Variants in KMT2E observed in about 807,000 individuals in gnomAD.
KMT2E encodes the protein lysine methyltransferase 2E (inactive).
Under a neutral mutation model 184.6 loss-of-function variants are expected in KMT2E, and 30 were observed. The ratio of observed to expected loss-of-function variants is 0.16; its 90% CI spans 0.12 to 0.22. KMT2E has a LOEUF of 0.22. Ranked by LOEUF, KMT2E falls within the 10% of genes least tolerant of loss-of-function variation. The pLI, the probability that KMT2E is intolerant of heterozygous loss-of-function variation, is 1.00. For synonymous variants in KMT2E, 815 were observed against 776.5 expected, an observed-to-expected ratio of 1.05 and a Z score of -0.82; for missense variants, 2,023 against 2,237.4, an observed-to-expected ratio of 0.90 and a Z score of 1.93.
At chr7:105,084,459 C>G (rs1465543770) in intron 13 of KMT2E, among the ~76,000 whole-genome samples, 1 of 152,038 alleles carries the variant, frequency 6.6e-6, no homozygotes, top group African/African-American at 2.4e-5. Flanking sequence ...AACCCCATCT[C>G]TACTAAAAAT....
chr7:105,076,874 G>T (rs1267067725), intron 9 of KMT2E, 89 bp from the exon 10 acceptor site: 4 of 2,810 alleles, frequency 1.4e-3, no homozygotes, highest in Admixed American at 4.5e-3. Context: ...CGTTAATTTT[G>T]TGTGTGTGTG....
rs66946883 is a variant in KMT2E, at chr7:105,064,164, G to GTTT, written c.416+610_416+612dup. 413 of 76,064 alleles carry GTTT rather than the reference G, an allele frequency of 5.4e-3. 10 individuals are homozygous for GTTT. The highest frequency in any genetic ancestry group is 8.1e-3 in the South Asian group (68 of 8,388). 4.7% of individuals were successfully genotyped at this position (76,064 alleles called of 1,614,324 possible). On this transcript the variant is annotated intron_variant, in intron 5 of 26. Coordinates refer to ENST00000311117, the MANE Select transcript of KMT2E (RefSeq NM_182931.3). ...GGTTTTGTATCATTTTTTTTTCTTG[G>GTTT]TTTTTTTTTTTTTTTTTTTTTTTTT...
intron 15 of KMT2E, among the ~76,000 whole-genome samples, chr7:105,096,247 C>CAAAAAAAAAAA (rs11330758): frequency 2.9e-5 from 2 of 69,268 alleles, no homozygotes; most frequent in African/African-American, 5.6e-5. Flanking sequence ...GTGAAAGGCT[C>CAAAAAAAAAAA]AAAAAAAAAA....
chr7:105,042,842 G>T (rs946644663), intron 3 of KMT2E, among the ~76,000 whole-genome samples: 13 of 152,322 alleles, frequency 8.5e-5, no homozygotes, highest in African/African-American at 2.9e-4. Flanking sequence ...ATATTGAGAA[G>T]TCATGGAGAT....
intron 3 of KMT2E, among the ~76,000 whole-genome samples, chr7:105,047,733 A>G (rs1165989167): frequency 6.6e-6 from 1 of 152,180 alleles, no homozygotes; most frequent in Non-Finnish European, 1.5e-5. Flanking sequence ...TTCCTGGTCT[A>G]TTTTAGATCC....
chr7:105,071,616 T>A (rs1267522290), intron 6 of KMT2E, among the ~76,000 whole-genome samples: 141 of 104,058 alleles, frequency 1.4e-3, no homozygotes, highest in African/African-American at 4.0e-3. Flanking sequence ...ATATTTTTTT[T>A]TTTTTTTTTT....
chr7:105,077,569 G>A, intron 11 of KMT2E, 136 bp downstream of exon 11: 1 of 641,644 alleles, frequency 1.6e-6, no homozygotes, highest in South Asian at 2.1e-5. Flanking sequence ...TAGTGTGGTT[G>A]AACAGTGACT....
chr7:105,062,553 CCTA>C (rs1408673151), intron 4 of KMT2E, among the ~76,000 whole-genome samples: 2 of 151,880 alleles, frequency 1.3e-5, no homozygotes, highest in African/African-American at 2.4e-5. Flanking sequence ...TATTGTACTA[CCTA>C]CTATTAATTT....
intron 11 of KMT2E, chr7:105,077,887 C>A: frequency 6.4e-6 from 1 of 156,728 alleles, no homozygotes; most frequent in Non-Finnish European, 1.4e-5. Flanking sequence ...AGATTGGGTC[C>A]TACATTATTG....
At chr7:105,111,705 G>T in intron 26 of KMT2E, 120 bp from the exon 27 acceptor site, 2 of 1,167,790 alleles carry the variant, frequency 1.7e-6, no homozygotes, top group Non-Finnish European at 2.4e-6. Context: ...ACGTATCCAG[G>T]ATGTTATTTC....
rs80311033 is a variant in KMT2E at position 105,025,475 on chromosome 7, T to C, written c.-189+10940T>C. On this transcript the variant is annotated intron_variant, in intron 1 of 26. Coordinates refer to ENST00000311117, the MANE Select transcript of KMT2E (RefSeq NM_182931.3). ...TAAGGTGATCACTATTTATAGTTTA[T>C]GTATTTTTTTCTAAAATGTTTTATG... Among the ~76,000 whole-genome samples the C allele has an allele frequency of 8.4e-4, 128 of 152,284 alleles. No homozygotes were observed. The East Asian group carries it at 0.019, about 23-fold the overall frequency.
chr7:105,051,682 A>G (rs1796354261), intron 3 of KMT2E, among the ~76,000 whole-genome samples: 1 of 151,252 alleles, frequency 6.6e-6, no homozygotes, highest in African/African-American at 2.4e-5. Context: ...GCAGTGGCAC[A>G]ATATTGGTTC....
At chr7:105,021,505 A>G (rs1794949904) in intron 1 of KMT2E, among the ~76,000 whole-genome samples, 1 of 152,228 alleles carries the variant, frequency 6.6e-6, no homozygotes, top group Non-Finnish European at 1.5e-5. Flanking sequence ...GCTAGCTTAA[A>G]TAAAGGATTT....
chr7:105,067,052 GTC>G (rs1395696785), intron 6 of KMT2E, among the ~76,000 whole-genome samples: 2 of 99,576 alleles, frequency 2.0e-5, no homozygotes, highest in African/African-American at 8.4e-5. Flanking sequence ...GCAAAACCCA[GTC>G]TCTTTTTTTT....
At chr7:105,094,245 G>T (rs1041188926) in intron 15 of KMT2E, among the ~76,000 whole-genome samples, 1 of 152,084 alleles carries the variant, frequency 6.6e-6, no homozygotes, top group Non-Finnish European at 1.5e-5. Flanking sequence ...AACATCAGTA[G>T]TCAGAAAGAT....
In KMT2E at chr7:105,110,584, T is replaced by C; in HGVS notation, c.3952T>C (p.Phe1318Leu). 1.2e-6 allele frequency: 2 copies of C among 1,614,166 alleles called. No homozygotes were observed. Among genetic ancestry groups the C allele is most frequent in the Middle Eastern group, 1.6e-4 (1 of 6,062 alleles). The change falls in exon 25 of 27, where the codon TTC becomes CTC. Residue 1318 changes from phenylalanine to leucine, a missense_variant. Phe to Leu is a conservative substitution (Grantham distance 22, BLOSUM62 0). This residue lies in a region of KMT2E where 1,108 missense variants were observed against 1,050.9 expected (regional missense o/e 1.05). Coordinates refer to ENST00000311117, the MANE Select transcript of KMT2E (RefSeq NM_182931.3). Reference sequence around the variant, plus strand: ...GCAAGCTAAGGGCCCAGTCCCTTCTTTCAGTGAACTTATGGAAGGTCAGTA... The same window carrying C: ...GCAAGCTAAGGGCCCAGTCCCTTCTCTCAGTGAACTTATGGAAGGTCAGTA... Reference protein sequence around the residue: ...QLQAKGPVPSFSELMEDPDPE... With the variant: ...QLQAKGPVPSLSELMEDPDPE...
intron 15 of KMT2E, among the ~76,000 whole-genome samples, chr7:105,096,146 T>G (rs1798401092): frequency 6.7e-6 from 1 of 150,326 alleles, no homozygotes; most frequent in African/African-American, 2.5e-5. Context: ...TCCCAGCTAC[T>G]TGGGAGGCTG....
At position 105,113,317 on chromosome 7, in the gene KMT2E, G is replaced by A. The variant is rs767117901; in HGVS notation, c.5561G>A (p.Gly1854Glu). ...VPPTFQNNYH[G>E]SGWH ...CCAACATTTCAAAACAATTACCATG[G>A]GTCAGGGTGGCATTAAAATGGACTC... The change falls in exon 27 of 27, where the codon GGG (glycine) becomes GAG (glutamate). Residue 1854 changes from glycine to glutamate, a missense_variant. Gly to Glu is a moderately conservative substitution (Grantham distance 98). Coordinates refer to ENST00000311117, the MANE Select transcript of KMT2E (RefSeq NM_182931.3). The A allele has an allele frequency of 1.9e-6, 3 of 1,606,712 alleles. No individual in the cohort carries two copies. The highest frequency in any genetic ancestry group is 2.6e-6 in the Non-Finnish European group (3 of 1,174,394).
rs1459821707 is a variant in KMT2E, at chr7:105,113,463, T to C, written c.*130T>C. ...AAAAAACACCAGTGCTCTTTCGTTG[T>C]ATTTTTCTCATTTTTGCTTTTTAAA... On this transcript the variant is annotated 3_prime_UTR_variant, in exon 27 of 27. Coordinates refer to ENST00000311117, the MANE Select transcript of KMT2E (RefSeq NM_182931.3). 1 of 1,048,884 alleles carries C rather than the reference T, an allele frequency of 9.5e-7. No homozygotes were observed. Among genetic ancestry groups the C allele is most frequent in the Non-Finnish European group, 1.3e-6 (1 of 761,430 alleles). 65.0% of individuals were successfully genotyped at this position (1,048,884 alleles called of 1,614,324 possible).
Sources: gnomAD v4.1 joint callset for allele counts (sites outside exome capture counted in the v4.1 genomes callset) on GRCh38, gnomAD v4.1.1 for gene constraint, gnomAD v4.1.1 regional missense constraint, MANE v1.5 for transcripts, NCBI Gene and HGNC (gene_info 2026-07-23, HGNC 2026-07-21) for gene names.